Variants in RREB1 observed in about 807,000 individuals in gnomAD.
RREB1 encodes ras responsive element binding protein 1.
RREB1 carries 27 observed loss-of-function variants against 117.8 expected under a neutral mutation model. That is an observed-to-expected ratio of 0.23 (90% confidence interval 0.17 to 0.32). The LOEUF is 0.32. Ranked by LOEUF, RREB1 falls within the 10% of genes least tolerant of loss-of-function variation. The pLI is 1.00. For missense variants in RREB1, 2,577 were observed against 2,378.2 expected, an observed-to-expected ratio of 1.08 and a Z score of -1.74; for synonymous variants, 1,298 against 1,026.7, an observed-to-expected ratio of 1.26 and a Z score of -5.05.
At chr6:7,180,735 C>T (rs575619312) in intron 2 of RREB1, among the ~76,000 whole-genome samples, 1 of 152,288 alleles carries the variant, frequency 6.6e-6, no homozygotes, top group East Asian at 1.9e-4. Context: ...TTAGTGAATG[C>T]CTGAACTGTT....
In RREB1 at chr6:7,244,705, G is replaced by A. The variant is rs1436277344; in HGVS notation, c.3974-1719G>A. Among the ~76,000 whole-genome samples, 4 of 152,272 alleles carry A rather than the reference G, an allele frequency of 2.6e-5. No homozygotes were observed. The East Asian group carries it at 5.8e-4, about 22-fold the overall frequency. Reference sequence around the variant, plus strand: ...ACCCAAACAGTGGCTGCCAAAAAGTGCAGTCAGTGTAAAACTAATGAAATG... The same window carrying A: ...ACCCAAACAGTGGCTGCCAAAAAGTACAGTCAGTGTAAAACTAATGAAATG... On this transcript the variant is annotated intron_variant, in intron 11 of 12. Coordinates refer to ENST00000379938, the MANE Select transcript of RREB1 (RefSeq NM_001003699.4).
intron 1 of RREB1, chr6:7,108,630 A>T (rs998947227): frequency 6.6e-6 from 1 of 151,952 alleles, no homozygotes; most frequent in African/African-American, 2.4e-5. Context: ...CTTTTCTCCT[A>T]CATACTTTCG....
At chr6:7,113,613 G>T (rs34060041) in intron 1 of RREB1, among the ~76,000 whole-genome samples, 3 of 152,172 alleles carry the variant, frequency 2.0e-5, no homozygotes, top group African/African-American at 7.2e-5. Flanking sequence ...TTGGAACCCA[G>T]AACTCCTAAC....
intron 2 of RREB1, among the ~76,000 whole-genome samples, chr6:7,179,778 CAG>C (rs1245477526): frequency 2.0e-5 from 3 of 151,038 alleles, no homozygotes; most frequent in Admixed American, 2.0e-4. Flanking sequence ...CAGTTAAAAA[CAG>C]AAAGTTTGAA....
chr6:7,246,772 C>T lies in RREB1; in HGVS notation c.4322C>T (p.Ala1441Val), dbSNP rs1410778832. ...EGDGEAGAGG[A>V]ASQEQKLACD... ...GACGGCGAGGCAGGCGCCGGGGGCG[C>T]GGCCTCGCAGGAGCAGAAGCTCGCC... The change falls in exon 12 of 13, where the codon GCG becomes GTG. Residue 1441 changes from alanine to valine, a missense_variant. Physicochemically the swap from Ala to Val is moderately conservative, Grantham distance 64. Transcript: ENST00000379938. The T allele has an allele frequency of 2.6e-6, 4 of 1,553,418 alleles. No individual in the cohort carries two copies. Among genetic ancestry groups the T allele is most frequent in the South Asian group, 1.2e-5 (1 of 84,190 alleles).
intron 8 of RREB1, chr6:7,218,469 G>A (rs983329583): frequency 6.6e-6 from 1 of 151,772 alleles, no homozygotes; most frequent in Non-Finnish European, 1.5e-5. Flanking sequence ...AAACTGTTTA[G>A]CCACAAGGTT....
intron 8 of RREB1, chr6:7,216,624 C>T (rs1766914174): frequency 6.6e-6 from 1 of 152,280 alleles, no homozygotes; most frequent in South Asian, 2.1e-4. Flanking sequence ...ACGCCTACCA[C>T]CTACAGAGAC....
Position 7,231,363 on chromosome 6 carries a change from C to A in RREB1, c.3264C>A (p.Asp1088Glu). The change falls in exon 10 of 13, where the codon GAC becomes GAA. Residue 1088 changes from aspartate (D) to glutamate (E), a missense_variant. Physicochemically the swap from Asp to Glu is conservative, Grantham distance 45. Transcript: ENST00000379938. ...CCCTGCTGAAAACCAAGGTGGCGGA[C>A]CCAGGGCCCGCAAGCACTGGCAGTA... ...APTLLKTKVADPGPASTGSNT... is the reference protein window; with the variant it reads ...APTLLKTKVAEPGPASTGSNT... 1.2e-6 allele frequency: 2 copies of A among 1,613,212 alleles called. No homozygotes were observed. Among genetic ancestry groups the A allele is most frequent in the Non-Finnish European group, 1.7e-6 (2 of 1,179,690 alleles).
chr6:7,190,720 G>T (rs561434105), intron 6 of RREB1, among the ~76,000 whole-genome samples: 2 of 152,168 alleles, frequency 1.3e-5, no homozygotes, highest in South Asian at 4.2e-4. Flanking sequence ...CACCATGTTG[G>T]CCTGTTGGTA....
Position 7,251,460 on chromosome 6 carries a change from A to T in RREB1, c.*2492A>T, listed in dbSNP as rs1056171716. On this transcript the variant is annotated 3_prime_UTR_variant, in exon 13 of 13. Coordinates refer to ENST00000379938, the MANE Select transcript of RREB1 (RefSeq NM_001003699.4). ...AAAATATATATATATGGATCTTCTG[A>T]AAAGTTTTTTGAGGTGCAAGTTTTT... The T allele has an allele frequency of 6.6e-6, 1 of 150,422 alleles. No individual in the cohort carries two copies. The highest frequency in any genetic ancestry group is 1.5e-5 in the Non-Finnish European group (1 of 67,778). 9.3% of individuals were successfully genotyped at this position (150,422 alleles called of 1,614,324 possible). A position where few individuals can be genotyped will look rare whatever the true frequency, so the allele number is the denominator to read the frequency against.
chr6:7,165,716 G>C (rs1340652852), intron 1 of RREB1, among the ~76,000 whole-genome samples: 1 of 152,208 alleles, frequency 6.6e-6, no homozygotes, highest in Admixed American at 6.5e-5. Context: ...CAGGGCGGCT[G>C]TGCTTCTCTG....
rs57534871 is a variant in RREB1 at position 7,219,092 on chromosome 6, C to CAAA, written c.708-7346_708-7344dup. On this transcript the variant is annotated intron_variant, in intron 8 of 12. Coordinates refer to ENST00000379938, the MANE Select transcript of RREB1 (RefSeq NM_001003699.4). ...GCGAAACTCCATCTCTACTAAAATA[C>CAAA]AAAAAAAAAAAAAAAAAAAAAAAAA... 1.9e-3 allele frequency: 78 copies of CAAA among 40,528 alleles called. 1 individual carries two copies. Among genetic ancestry groups the CAAA allele is most frequent in the Admixed American group, 2.8e-3 (7 of 2,482 alleles). 2.5% of individuals were successfully genotyped at this position (40,528 alleles called of 1,614,324 possible).
intron 1 of RREB1, among the ~76,000 whole-genome samples, chr6:7,114,166 G>T (rs1761275220): frequency 6.6e-6 from 1 of 152,188 alleles, no homozygotes; most frequent in African/African-American, 2.4e-5. Flanking sequence ...CTGTCGCCCA[G>T]GATGGAGTGC....
intron 1 of RREB1, among the ~76,000 whole-genome samples, chr6:7,158,659 T>C (rs545716034): frequency 8.5e-5 from 13 of 152,328 alleles, no homozygotes; most frequent in African/African-American, 3.1e-4. Context: ...TTCTCTTACC[T>C]TCCCAAGCTT....
At chr6:7,182,953 T>A (rs1436883677) in intron 4 of RREB1, 1 of 152,244 alleles carries the variant, frequency 6.6e-6, no homozygotes, top group Non-Finnish European at 1.5e-5. Flanking sequence ...TTTTCTTTTT[T>A]TATAAATAAT....
chr6:7,241,450 A>G (rs552142087), intron 11 of RREB1, among the ~76,000 whole-genome samples: 10 of 152,274 alleles, frequency 6.6e-5, no homozygotes, highest in African/African-American at 2.4e-4. Flanking sequence ...TGCTGGGTCC[A>G]GTTTTGCAAG....
At chr6:7,113,048 A>C (rs1449558656) in intron 1 of RREB1, among the ~76,000 whole-genome samples, 1 of 152,194 alleles carries the variant, frequency 6.6e-6, no homozygotes, top group Non-Finnish European at 1.5e-5. Flanking sequence ...GGTGCTTCAG[A>C]CGAAAGCATG....
At chr6:7,223,256 T>TA (rs1767372231) in intron 8 of RREB1, among the ~76,000 whole-genome samples, 4 of 94,338 alleles carry the variant, frequency 4.2e-5, no homozygotes, top group African/African-American at 1.9e-4. Flanking sequence ...GACTCTCTTT[T>TA]TAAAAAAAAA....
chr6:7,110,586 A>G (rs568719786), intron 1 of RREB1, among the ~76,000 whole-genome samples: 1 of 152,156 alleles, frequency 6.6e-6, no homozygotes, highest in South Asian at 2.1e-4. Flanking sequence ...GGTTACACTG[A>G]TGAATTAAAC....
Sources: gnomAD v4.1 joint callset for allele counts (sites outside exome capture counted in the v4.1 genomes callset) on GRCh38, gnomAD v4.1.1 for gene constraint, MANE v1.5 for transcripts, NCBI Gene and HGNC (gene_info 2026-07-23, HGNC 2026-07-21) for gene names.